DNAH10: variants seen among roughly 807,000 people sequenced by gnomAD.
The protein encoded by DNAH10 is dynein axonemal heavy chain 10.
In DNAH10, 348 loss-of-function variants were observed where a neutral mutation model predicts 506.6. That is an observed-to-expected ratio of 0.69 (90% CI 0.63 to 0.75). DNAH10 has a LOEUF of 0.75. Among genes scored for constraint, DNAH10 ranks in the 30% least tolerant of loss-of-function variants. DNAH10 has a pLI of 0.00. For synonymous variants in DNAH10, 2,059 were observed against 2,198.6 expected (o/e 0.94, Z 1.78); for missense variants, 5,179 against 5,787.1 (o/e 0.89, Z 3.41).
intron 18 of DNAH10, among the ~76,000 whole-genome samples, chr12:123,806,866 C>T (rs111974102): frequency 4.0e-5 from 6 of 150,642 alleles, no homozygotes; most frequent in Non-Finnish European, 7.4e-5. Flanking sequence ...CTTCTGGGTT[C>T]ACACCATTCT....
rs757126794 is a variant in DNAH10 at position 123,835,518 on chromosome 12, T to A, written c.4892T>A (p.Val1631Glu). ...AAAAAGTTTGACAACATCGATAAAG[T>A]ATTTAAAAGGGCAAGTGACTCGCTT... Reference protein sequence around the residue: ...EAKKFDNIDKVFKRIMGETLK... With the variant: ...EAKKFDNIDKEFKRIMGETLK... The change falls in exon 28 of 79, where the codon GTA becomes GAA. Residue 1631 changes from valine (V) to glutamate (E), a missense_variant. Coordinates refer to ENST00000673944, the MANE Select transcript of DNAH10 (RefSeq NM_001372106.1). 6 of 1,607,632 alleles carry A rather than the reference T, an allele frequency of 3.7e-6. No homozygotes were observed. The highest frequency in any genetic ancestry group is 4.2e-6 in the Non-Finnish European group (5 of 1,176,772).
At chr12:123,770,493 T>A (rs1434926965) in intron 2 of DNAH10, among the ~76,000 whole-genome samples, 2 of 133,614 alleles carry the variant, frequency 1.5e-5, no homozygotes, top group African/African-American at 6.0e-5. Flanking sequence ...TGTGATTTTT[T>A]TTTTTTTTTT....
intron 6 of DNAH10, among the ~76,000 whole-genome samples, chr12:123,782,398 T>C (rs1957695854): frequency 7.7e-6 from 1 of 129,134 alleles, no homozygotes; most frequent in Admixed American, 7.7e-5. Flanking sequence ...TTCTTTCCTT[T>C]CTTTCTTTCT....
Position 123,929,653 on chromosome 12 carries a change from CTT to C in DNAH10, c.12517-10_12517-9del. 7.4e-6 allele frequency: 12 copies of C among 1,610,894 alleles called. No homozygotes were observed. Among genetic ancestry groups the C allele is most frequent in the Non-Finnish European group, 7.6e-6 (9 of 1,178,464 alleles). ...GTTTCAGTATAACTGAGCGTGTTCT[CTT>C]CTTTCAAGGTCTGCATGGAAATTCT... On this transcript the variant is annotated splice_polypyrimidine_tract_variant and intron_variant, in intron 71 of 78. Coordinates refer to ENST00000673944, the MANE Select transcript of DNAH10 (RefSeq NM_001372106.1).
Position 123,826,895 on chromosome 12 carries a change from A to T in DNAH10, c.4388A>T (p.Asp1463Val). Residue 1463 changes from aspartate to valine, a missense_variant, in exon 25 of 79, where the codon GAC (aspartate) becomes GTC (valine). Coordinates refer to ENST00000673944, the MANE Select transcript of DNAH10 (RefSeq NM_001372106.1). ...GACTTGAAAAACGAGGCACTAAGAG[A>T]CAGGTTTGTTTTGTCCTCTGTCCGC... ...LLDLKNEALR[D>V]RHWKELMEKT... 6.2e-7 allele frequency: 1 copy of T among 1,611,996 alleles called. No individual in the cohort carries two copies.
In DNAH10 at chr12:123,820,692, G is replaced by A. The variant is rs768858545; in HGVS notation, c.4113G>A (p.Glu1371=). 6.2e-7 allele frequency: 1 copy of A among 1,613,982 alleles called. No individual in the cohort carries two copies. Among genetic ancestry groups the A allele is most frequent in the East Asian group, 2.2e-5 (1 of 44,888 alleles). The change falls in exon 24 of 79, where the codon GAG becomes GAA. Residue 1371 remains glutamate (E), a synonymous_variant. Transcript: ENST00000673944. ...LFDLPITMYP[E]LLKVQKEMSG... ...ATCTTCCTATTACAATGTACCCAGA[G>A]CTGCTGAAAGTGCAGAAGGAAATGA...
Position 123,930,449 on chromosome 12 carries a change from G to C in DNAH10, c.12660G>C (p.Leu4220=). ...TCGACAGCTTTGATCGCCGCATCCT[G>C]ACCATCTACATGGATGAGTACCTGG... is the stretch of plus-strand genomic sequence containing the variant. The part of the protein sequence containing the change: ...RAIDSFDRRI[L]TIYMDEYLGD... Residue 4220 remains leucine, a synonymous_variant, in exon 73 of 79, where the codon CTG becomes CTC. Coordinates refer to ENST00000673944, the MANE Select transcript of DNAH10 (RefSeq NM_001372106.1). 6.2e-7 allele frequency: 1 copy of C among 1,601,248 alleles called. No individual in the cohort carries two copies. Among genetic ancestry groups the C allele is most frequent in the Non-Finnish European group, 8.5e-7 (1 of 1,175,940 alleles).
At chr12:123,891,567 G>A (rs955343988) in intron 52 of DNAH10, among the ~76,000 whole-genome samples, 3 of 152,126 alleles carry the variant, frequency 2.0e-5, no homozygotes, top group Middle Eastern at 3.4e-3. Flanking sequence ...AGACTGAGAG[G>A]GCAGGCGGAG....
chr12:123,896,864 A>G (rs1163950572), intron 54 of DNAH10, among the ~76,000 whole-genome samples: 1 of 152,120 alleles, frequency 6.6e-6, no homozygotes, highest in Non-Finnish European at 1.5e-5. Context: ...GTAACATAAC[A>G]TTTTCCATTT....
chr12:123,826,977 C>A, intron 25 of DNAH10, 79 bp downstream of exon 25: 4 of 1,319,486 alleles, frequency 3.0e-6, no homozygotes, highest in Non-Finnish European at 4.2e-6. Context: ...AGTACATTAT[C>A]TTTGGTCTGA....
chr12:123,769,629 G>T (rs1418815404), intron 2 of DNAH10, among the ~76,000 whole-genome samples: 1 of 152,098 alleles, frequency 6.6e-6, no homozygotes, highest in African/African-American at 2.4e-5. Context: ...GGAAGGTCGG[G>T]GAAGTCCTTT....
Position 123,785,970 on chromosome 12 carries a change from T to C in DNAH10, c.1421+34T>C, listed in dbSNP as rs1171960887. On this transcript the variant is annotated intron_variant, in intron 9 of 78. Transcript: ENST00000673944. The surrounding 1 kb of genome is among the most constrained non-coding windows in gnomAD (Gnocchi z 4.1). ...CCATGGCGTTCATTTTTTTGTTTTG[T>C]TTTGTTTCACTTTTTACTTTTTAGA... The C allele has an allele frequency of 6.3e-7, 1 of 1,590,978 alleles. No homozygotes were observed. The highest frequency in any genetic ancestry group is 1.7e-5 in the Admixed American group (1 of 57,950).
At position 123,790,011 on chromosome 12, in the gene DNAH10, A is replaced by G. The variant is rs1234691523; in HGVS notation, c.1705A>G (p.Arg569Gly). Reference sequence around the variant, plus strand: ...CAAGCGCATTGATGATGTCCTATGCAGAGTGGACGGCCTAGTCACCCCCAT... The same window carrying G: ...CAAGCGCATTGATGATGTCCTATGCGGAGTGGACGGCCTAGTCACCCCCAT... ...DPKRIDDVLC[R>G]VDGLVTPMEN... The change falls in exon 11 of 79, where the codon AGA becomes GGA. Residue 569 changes from arginine (R) to glycine (G), a missense_variant. Around this residue, in one of 3 missense-constraint regions of DNAH10, gnomAD observed 4,844 missense variants for 5,430.5 expected, o/e 0.89. Transcript: ENST00000673944. The G allele has an allele frequency of 1.9e-6, 3 of 1,614,202 alleles. No homozygotes were observed. The highest frequency in any genetic ancestry group is 2.2e-5 in the South Asian group (2 of 91,084).
At chr12:123,895,839 G>C (rs1449816277) in intron 54 of DNAH10, among the ~76,000 whole-genome samples, 2 of 152,076 alleles carry the variant, frequency 1.3e-5, no homozygotes, top group Non-Finnish European at 2.9e-5. Context: ...GAGGCCAGGC[G>C]CAGTGGCTCA....
intron 39 of DNAH10, among the ~76,000 whole-genome samples, chr12:123,862,125 G>A (rs576245730): frequency 2.0e-4 from 31 of 152,252 alleles, no homozygotes; most frequent in African/African-American, 5.8e-4. Context: ...ATCTCATCAC[G>A]GGCACATGGT....
Position 123,891,923 on chromosome 12 carries a change from G to A in DNAH10, c.8996-1310G>A, listed in dbSNP as rs943650694. Among the ~76,000 whole-genome samples, 7 of 152,202 alleles carry A rather than the reference G, an allele frequency of 4.6e-5. No individual in the cohort carries two copies. The East Asian group carries it at 1.3e-3, about 29-fold the overall frequency. On this transcript the variant is annotated intron_variant, in intron 52 of 78. Coordinates refer to ENST00000673944, the MANE Select transcript of DNAH10 (RefSeq NM_001372106.1). ...CTCTCCGGGGAGCCACACAGGACAT[G>A]CTTAATCCCCCAACATTGAGTTGTG...
intron 71 of DNAH10, 67 bp from the exon 72 acceptor site, chr12:123,929,597 G>C: frequency 6.3e-7 from 1 of 1,576,658 alleles, no homozygotes; most frequent in Non-Finnish European, 8.6e-7. Flanking sequence ...AGCCTTTTCA[G>C]AAAAGTATCA....
Position 123,893,287 on chromosome 12 carries a change from T to C in DNAH10, c.9050T>C (p.Ile3017Thr). The C allele has an allele frequency of 1.2e-6, 2 of 1,614,040 alleles. No individual in the cohort carries two copies. Among genetic ancestry groups the C allele is most frequent in the South Asian group, 1.1e-5 (1 of 91,082 alleles). The change falls in exon 53 of 79, where the codon ATT (isoleucine) becomes ACT (threonine). Residue 3017 changes from isoleucine to threonine, a missense_variant. Physicochemically the swap from Ile to Thr is moderately conservative, Grantham distance 89. Around this residue, in one of 3 missense-constraint regions of DNAH10, gnomAD observed 4,844 missense variants for 5,430.5 expected, o/e 0.89. Coordinates refer to ENST00000673944, the MANE Select transcript of DNAH10 (RefSeq NM_001372106.1). The part of the protein sequence containing the change: ...EEEKESILSQ[I>T]GQEALKQGMG... ...GAGAAAGAGTCTATCCTGAGTCAGA[T>C]TGGACAGGAAGCTCTGAAGCAAGGC...
At chr12:123,860,597 G>A (rs1246157807) in intron 38 of DNAH10, among the ~76,000 whole-genome samples, 3 of 152,184 alleles carry the variant, frequency 2.0e-5, no homozygotes, top group Non-Finnish European at 2.9e-5. Flanking sequence ...CTGTAGATAA[G>A]GAGGATTGAA....
Sources: gnomAD v4.1 joint callset for allele counts (sites outside exome capture counted in the v4.1 genomes callset) on GRCh38, gnomAD v4.1.1 for gene constraint, gnomAD v4.1.1 regional missense constraint, Gnocchi (gnomAD v3.1) non-coding constraint, MANE v1.5 for transcripts, NCBI Gene and HGNC (gene_info 2026-07-23, HGNC 2026-07-21) for gene names.